The following PPARD variants were observed in gnomAD, a reference collection of about 807,000 sequenced individuals.
PPARD encodes peroxisome proliferator-activated receptor delta.
Under a neutral mutation model 39.5 loss-of-function variants are expected in PPARD, and 6 were observed. The observed-to-expected ratio is 0.15, with a 90% CI of 0.08 to 0.30. The LOEUF (loss-of-function observed/expected upper bound fraction) is 0.30. PPARD is among the 10% of genes least tolerant of loss of function. PPARD has a pLI of 1.00. For missense variants in PPARD, 397 were observed against 596.8 expected (o/e 0.67, Z 3.49); for synonymous variants, 210 against 231.3 (o/e 0.91, Z 0.83).
chr6:35,370,475 A>G (rs539326701), intron 2 of PPARD, among the ~76,000 whole-genome samples: 1 of 152,330 alleles, frequency 6.6e-6, no homozygotes, highest in East Asian at 1.9e-4. Flanking sequence ...AGTGTCTTCA[A>G]AAATAGAAAT....
intron 2 of PPARD, among the ~76,000 whole-genome samples, chr6:35,391,186 CAAAAT>C (rs1299018087): frequency 1.3e-5 from 2 of 152,026 alleles, no homozygotes; most frequent in Admixed American, 6.5e-5. Context: ...AGCATTAACA[CAAAAT>C]GAATACCAAA....
chr6:35,420,627 G>A (rs1724362019), intron 4 of PPARD, among the ~76,000 whole-genome samples: 1 of 152,038 alleles, frequency 6.6e-6, no homozygotes, highest in Non-Finnish European at 1.5e-5. Context: ...GGCTCAAAGC[G>A]GGCTCTGAGA....
intron 2 of PPARD, chr6:35,348,257 G>A (rs1761009383): frequency 2.5e-6 from 2 of 794,400 alleles, no homozygotes; most frequent in African/African-American, 3.8e-5. Context: ...CTTGGGAAAT[G>A]ATAATAGTAA....
At position 35,425,282 on chromosome 6, in the gene PPARD, G is replaced by A; in HGVS notation, c.1078+503G>A. ...GAGTGAGACCCTGTCTCAAAAAAAA[G>A]GAAAAGGACTAACAGGCAGTATGCT... On this transcript the variant is annotated intron_variant, in intron 7 of 7. Coordinates refer to ENST00000360694, the MANE Select transcript of PPARD (RefSeq NM_006238.5). This position sits in a 1 kb window ranked among gnomAD's most constrained non-coding sequence, Gnocchi z 4.5. 2.2e-5 allele frequency: 22 copies of A among 1,002,808 alleles called. No homozygotes were observed. The highest frequency in any genetic ancestry group is 2.6e-5 in the Non-Finnish European group (22 of 839,452). The allele number at this position is 1,002,808 out of a possible 1,614,324, so 62.1% of individuals were successfully genotyped here.
chr6:35,406,415 C>G (rs922157867), intron 2 of PPARD, among the ~76,000 whole-genome samples: 1 of 152,114 alleles, frequency 6.6e-6, no homozygotes, highest in African/African-American at 2.4e-5. Context: ...AGGGAGCAAC[C>G]TTGGCTCAGG....
rs1000153848 is a variant in PPARD at position 35,376,572 on chromosome 6, C to A, written c.-102+29422C>A. Among the ~76,000 whole-genome samples the A allele has an allele frequency of 7.2e-5, 11 of 152,220 alleles. No homozygotes were observed. The East Asian group carries it at 1.7e-3, about 24-fold the overall frequency. On this transcript the variant is annotated intron_variant, in intron 2 of 7. Coordinates refer to ENST00000360694, the MANE Select transcript of PPARD (RefSeq NM_006238.5). ...TGGGTCCTGAATTATGAAAGTATAC[C>A]TCAGAGCAGCTTGTTTGCCTCTGGC...
At chr6:35,399,866 TACTC>T (rs1258233243) in intron 2 of PPARD, among the ~76,000 whole-genome samples, 3 of 152,376 alleles carry the variant, frequency 2.0e-5, no homozygotes, top group Admixed American at 6.5e-5. Flanking sequence ...GACTAGGTAA[TACTC>T]AGTTGTCTGG....
At chr6:35,390,616 G>A (rs1261302953) in intron 2 of PPARD, among the ~76,000 whole-genome samples, 1 of 151,660 alleles carries the variant, frequency 6.6e-6, no homozygotes, top group Non-Finnish European at 1.5e-5. Context: ...AATAAGGAGT[G>A]GTCATAATAA....
intron 3 of PPARD, among the ~76,000 whole-genome samples, chr6:35,413,183 A>T (rs1166379197): frequency 6.6e-6 from 1 of 152,196 alleles, no homozygotes; most frequent in African/African-American, 2.4e-5. Context: ...CGTGCAGGCC[A>T]GGTGAGGTGC....
rs1053046 is a variant in PPARD at position 35,427,801 on chromosome 6, G to A, written c.*1722G>A. The A allele has an allele frequency of 0.17, 25,807 of 152,734 alleles. 4,737 individuals are homozygous for A. The highest frequency in any genetic ancestry group is 0.46 in the African/African-American group (18,986 of 41,500). 9.5% of individuals were successfully genotyped at this position (152,734 alleles called of 1,614,324 possible). ...GTCCTCCCTCCCAAGGAGCCATTCT[G>A]TGTGTGACTCTGGGTGGAAGTGCCC... On this transcript the variant is annotated 3_prime_UTR_variant, in exon 8 of 8. Transcript: ENST00000360694.
chr6:35,384,107 C>T (rs1186723864), intron 2 of PPARD, among the ~76,000 whole-genome samples: 1 of 145,724 alleles, frequency 6.9e-6, no homozygotes, highest in Admixed American at 6.8e-5. Context: ...GCCTCCCGCC[C>T]GGCCAGCCGC....
chr6:35,398,976 G>T (rs866229348), intron 2 of PPARD, among the ~76,000 whole-genome samples: 19 of 152,070 alleles, frequency 1.2e-4, no homozygotes, highest in African/African-American at 4.6e-4. Flanking sequence ...TTAGCCGGGC[G>T]TGGTGACGCA....
At chr6:35,385,663 A>C (rs1172364882) in intron 2 of PPARD, among the ~76,000 whole-genome samples, 14 of 150,840 alleles carry the variant, frequency 9.3e-5, no homozygotes, top group Non-Finnish European at 1.9e-4. Context: ...AAAAAAAAAA[A>C]AAAACAAATG....
chr6:35,411,508 CAT>C (rs1562216542), intron 3 of PPARD, among the ~76,000 whole-genome samples: 1 of 152,184 alleles, frequency 6.6e-6, no homozygotes, highest in East Asian at 1.9e-4. Flanking sequence ...ATCTGTAACA[CAT>C]GTCATCATCA....
In PPARD at chr6:35,362,100, A is replaced by AT. The variant is rs755793496; in HGVS notation, c.-102+14959dup. 5.0e-3 allele frequency among the ~76,000 whole-genome samples: 759 copies of AT among 151,724 alleles called. 2 individuals are homozygous for AT. The highest frequency in any genetic ancestry group is 0.014 in the Middle Eastern group (4 of 294). ...ACATAAGTGGCTGCTTTGATATATG[A>AT]TTTTTTTTTCTTACCTAGGTTCTTT... On this transcript the variant is annotated intron_variant, in intron 2 of 7. Transcript: ENST00000360694.
chr6:35,374,988 G>A (rs1243754648), intron 2 of PPARD, among the ~76,000 whole-genome samples: 1 of 152,112 alleles, frequency 6.6e-6, no homozygotes, highest in Non-Finnish European at 1.5e-5. Context: ...GATGGCACTA[G>A]TGCTGCCTGG....
intron 2 of PPARD, among the ~76,000 whole-genome samples, chr6:35,386,315 ATTTTT>A (rs751089075): frequency 4.7e-4 from 57 of 120,420 alleles, no homozygotes; most frequent in Non-Finnish European, 8.8e-4. Flanking sequence ...CACCTCTACA[ATTTTT>A]TTTTTTTTTT....
At chr6:35,355,589 C>CTT (rs1761536474) in intron 2 of PPARD, among the ~76,000 whole-genome samples, 2 of 50,004 alleles carry the variant, frequency 4.0e-5, no homozygotes, top group African/African-American at 1.2e-4. Flanking sequence ...GTGCTTTCTT[C>CTT]TTCTTCTTCT....
At chr6:35,380,459 GTTTTT>G (rs11334296) in intron 2 of PPARD, among the ~76,000 whole-genome samples, 3,085 of 97,138 alleles carry the variant, frequency 0.032, 82 homozygotes, top group Middle Eastern at 0.062. Context: ...TTAACCTCGT[GTTTTT>G]TTTTTTTGTT....
Sources: allele counts gnomAD v4.1 joint callset (sites outside exome capture counted in the v4.1 genomes callset), GRCh38; gene constraint gnomAD v4.1.1; non-coding constraint Gnocchi (gnomAD v3.1); transcripts MANE v1.5; gene names NCBI Gene and HGNC (gene_info 2026-07-23, HGNC 2026-07-21).